WDFY4: variants seen among roughly 807,000 people sequenced by gnomAD.
The protein encoded by WDFY4 is WD repeat- and FYVE domain-containing protein 4.
WDFY4 carries 169 observed loss-of-function variants against 351.9 expected under a neutral mutation model. The observed-to-expected ratio is 0.48, with a 90% CI of 0.42 to 0.55. The LOEUF (loss-of-function observed/expected upper bound fraction) is 0.55, where lower values mean the gene tolerates loss of function less well. WDFY4 is among the 20% of genes least tolerant of loss of function. The pLI, the probability that WDFY4 is intolerant of heterozygous loss-of-function variation, is 0.00. For missense variants in WDFY4, 3,803 were observed against 3,935.6 expected (o/e 0.97, Z 0.90); for synonymous variants, 1,622 against 1,574.6 (o/e 1.03, Z -0.71).
chr10:48,968,622 C>G (rs1842193277), intron 55 of WDFY4: 1 of 178,092 alleles, frequency 5.6e-6, no homozygotes, highest in African/African-American at 2.3e-5. Context: ...GCACCAGGCT[C>G]TGTGCCAGGG....
At chr10:48,872,940 C>T (rs941279606) in intron 40 of WDFY4, among the ~76,000 whole-genome samples, 2 of 152,214 alleles carry the variant, frequency 1.3e-5, no homozygotes, top group African/African-American at 4.8e-5. Context: ...CCAGGTCTGT[C>T]ATTTCGTTGG....
chr10:48,742,705 T>C (rs1314271649), intron 11 of WDFY4, among the ~76,000 whole-genome samples: 2 of 152,188 alleles, frequency 1.3e-5, no homozygotes, highest in East Asian at 1.9e-4. Context: ...GGACAGAAGC[T>C]TTCTGGAAGG....
intron 47 of WDFY4, among the ~76,000 whole-genome samples, chr10:48,919,122 G>C (rs1838818845): frequency 6.6e-6 from 1 of 151,948 alleles, no homozygotes; most frequent in African/African-American, 2.4e-5. Flanking sequence ...GTACAAAAAA[G>C]TACAAGCTGG....
In WDFY4 at chr10:48,826,927, G is replaced by A; in HGVS notation, c.6221+18G>A. 6.5e-7 allele frequency: 1 copy of A among 1,544,594 alleles called. No homozygotes were observed. The highest frequency in any genetic ancestry group is 8.8e-7 in the Non-Finnish European group (1 of 1,140,674). On this transcript the variant is annotated intron_variant, in intron 36 of 61. Coordinates refer to ENST00000325239, the MANE Select transcript of WDFY4 (RefSeq NM_001394531.1). ...GAGAGAAGGTAAGAGCTGCCCACTT[G>A]TTTCCTTGTCTGCTGGTGGTCCATG...
At chr10:48,923,788 AC>A (rs1412010618) in intron 47 of WDFY4, among the ~76,000 whole-genome samples, 1 of 151,972 alleles carries the variant, frequency 6.6e-6, no homozygotes, top group Non-Finnish European at 1.5e-5. Flanking sequence ...AACACCAAAA[AC>A]CTGGGCTGCC....
chr10:48,807,142 C>A (rs1272908242), intron 27 of WDFY4, among the ~76,000 whole-genome samples: 6 of 152,180 alleles, frequency 3.9e-5, no homozygotes, highest in Non-Finnish European at 8.8e-5. Context: ...GTTGCCTCAT[C>A]AGTCCTATTT....
Position 48,821,110 on chromosome 10 carries a change from G to C in WDFY4, c.5758G>C (p.Glu1920Gln). The change falls in exon 34 of 62, where the codon GAG (glutamate) becomes CAG (glutamine). Residue 1920 changes from glutamate (E) to glutamine (Q), a missense_variant. Transcript: ENST00000325239. ...CCAACAGAAGCGAGACTTCCAGTCC[G>C]AGGTCCTGCTTTCTGCTATGGAACT... Reference protein sequence around the residue: ...TSQQKRDFQSEVLLSAMELFH... With the variant: ...TSQQKRDFQSQVLLSAMELFH... 6.4e-7 allele frequency: 1 copy of C among 1,551,700 alleles called. No individual in the cohort carries two copies. Among genetic ancestry groups the C allele is most frequent in the South Asian group, 1.2e-5 (1 of 84,056 alleles).
intron 47 of WDFY4, among the ~76,000 whole-genome samples, chr10:48,930,280 T>C (rs1281093454): frequency 6.6e-6 from 1 of 152,222 alleles, no homozygotes; most frequent in Non-Finnish European, 1.5e-5. Flanking sequence ...TTCCAGAATA[T>C]GAATATGTTT....
rs1842390956 is a variant in WDFY4 at position 48,972,747 on chromosome 10, C to T, written c.8929-2115C>T. 2.0e-5 allele frequency among the ~76,000 whole-genome samples: 3 copies of T among 152,272 alleles called. No homozygotes were observed. In the South Asian group the frequency reaches 6.2e-4, roughly 32 times the overall value. On this transcript the variant is annotated intron_variant, in intron 57 of 61. Coordinates refer to ENST00000325239, the MANE Select transcript of WDFY4 (RefSeq NM_001394531.1). ...ATTATGTACAGTGACATGGTGCTTT[C>T]CAAAATGGTTCTGTGACTTAATCAT...
At chr10:48,766,523 G>A (rs915435002) in intron 13 of WDFY4, among the ~76,000 whole-genome samples, 5 of 152,174 alleles carry the variant, frequency 3.3e-5, no homozygotes, top group African/African-American at 1.2e-4. Context: ...CCAGGAGGTT[G>A]ATGCTGCAGT....
chr10:48,746,406 T>C (rs1019164880), intron 12 of WDFY4, among the ~76,000 whole-genome samples: 2 of 152,204 alleles, frequency 1.3e-5, no homozygotes, highest in Admixed American at 1.3e-4. Context: ...GGGATTTTTC[T>C]TCATCCTTTG....
intron 52 of WDFY4, among the ~76,000 whole-genome samples, chr10:48,958,418 G>C (rs1039247653): frequency 6.6e-6 from 1 of 152,166 alleles, no homozygotes; most frequent in Non-Finnish European, 1.5e-5. Flanking sequence ...TGGCCAGCCC[G>C]GGGTTAGAGC....
At chr10:48,820,505 C>A in intron 33 of WDFY4, 68 bp downstream of exon 33, 2 of 1,493,584 alleles carry the variant, frequency 1.3e-6, no homozygotes, top group South Asian at 1.2e-5. Flanking sequence ...ACTGCAAGGG[C>A]AGGATGCACC....
chr10:48,945,555 G>A (rs899575106), intron 49 of WDFY4, among the ~76,000 whole-genome samples: 4 of 152,128 alleles, frequency 2.6e-5, no homozygotes, highest in South Asian at 4.2e-4. Flanking sequence ...GGGAAGGGGC[G>A]CTCACAGCAT....
At chr10:48,774,781 C>G (rs1012894357) in intron 14 of WDFY4, 109 bp downstream of exon 14, 18 of 1,327,276 alleles carry the variant, frequency 1.4e-5, no homozygotes, top group Non-Finnish European at 1.9e-5. Context: ...ATGGAGGGCA[C>G]GGCTCTGTCC....
chr10:48,794,666 A>C (rs930488133), intron 23 of WDFY4, among the ~76,000 whole-genome samples: 1 of 152,230 alleles, frequency 6.6e-6, no homozygotes, highest in Non-Finnish European at 1.5e-5. Flanking sequence ...GCAAGAGGGA[A>C]GAAAAATCAA....
At chr10:48,702,264 A>T (rs1250032097) in intron 1 of WDFY4, among the ~76,000 whole-genome samples, 4 of 152,148 alleles carry the variant, frequency 2.6e-5, no homozygotes, top group Admixed American at 1.3e-4. Context: ...TCCATAGCTC[A>T]GAACTGCTAC....
intron 23 of WDFY4, among the ~76,000 whole-genome samples, chr10:48,795,209 C>G (rs2066815434): frequency 6.6e-6 from 1 of 151,744 alleles, no homozygotes; most frequent in African/African-American, 2.4e-5. Flanking sequence ...AAAGAATATT[C>G]ATATCTGATG....
chr10:48,828,874 A>C lies in WDFY4; in HGVS notation c.6318A>C (p.Glu2106Asp), dbSNP rs916910143. ...ATGAAGACGTGAAAGAAAAAAGAGA[A>C]GACTTACCAAGTTTGAGTGATGGTA... is the stretch of plus-strand genomic sequence containing the variant. ...SPNEDVKEKREDLPSLSDVQH... is the reference protein window; with the variant it reads ...SPNEDVKEKRDDLPSLSDVQH... The change falls in exon 37 of 62, where the codon GAA becomes GAC. Residue 2106 changes from glutamate to aspartate, a missense_variant. This residue lies in a region of WDFY4 where 3,054 missense variants were observed against 3,148.6 expected (regional missense o/e 0.97). Transcript: ENST00000325239. 6.0e-6 allele frequency: 8 copies of C among 1,324,060 alleles called. No individual in the cohort carries two copies. The highest frequency in any genetic ancestry group is 7.9e-6 in the Non-Finnish European group (8 of 1,016,330). The allele number at this position is 1,324,060 out of a possible 1,614,324, so 82.0% of individuals were successfully genotyped here.
Sources: gnomAD v4.1 joint callset for allele counts (sites outside exome capture counted in the v4.1 genomes callset) on GRCh38, gnomAD v4.1.1 for gene constraint, gnomAD v4.1.1 regional missense constraint, MANE v1.5 for transcripts, NCBI Gene and HGNC (gene_info 2026-07-23, HGNC 2026-07-21) for gene names.